The following CPEB2 variants were observed in gnomAD, a reference collection of about 807,000 sequenced individuals.
The protein encoded by CPEB2 is cytoplasmic polyadenylation element binding protein 2.
In CPEB2, 56 loss-of-function variants were observed where a neutral mutation model predicts 93.6. The observed-to-expected ratio is 0.60, with a 90% CI of 0.48 to 0.75. CPEB2 has a LOEUF of 0.75. Ranked by LOEUF, CPEB2 falls within the 30% of genes least tolerant of loss-of-function variation. CPEB2 has a pLI of 0.00. For synonymous variants in CPEB2, 764 were observed against 586.3 expected, an observed-to-expected ratio of 1.30 and a Z score of -4.38; for missense variants, 1,579 against 1,395.1, an observed-to-expected ratio of 1.13 and a Z score of -2.10.
In CPEB2 at chr4:15,003,825, G is replaced by C. The variant is rs1260472230; in HGVS notation, c.1152G>C (p.Ser384=). 1 of 935,124 alleles carries C rather than the reference G, an allele frequency of 1.1e-6. No individual in the cohort carries two copies. The highest frequency in any genetic ancestry group is 1.4e-6 in the Non-Finnish European group (1 of 724,454). The allele number at this position is 935,124 out of a possible 1,614,324, so 57.9% of individuals were successfully genotyped here. A position where few individuals can be genotyped will look rare whatever the true frequency, so the allele number is the denominator to read the frequency against. Residue 384 remains serine, a synonymous_variant, in exon 1 of 12, where the codon TCG becomes TCC. Transcript: ENST00000538197. ...TGCCCGGCTTCGGCACCCCCTGGTC[G>C]GTGCAGACCGCGTCGCCGCCACCCC... is the stretch of plus-strand genomic sequence containing the variant. ...PPLPGFGTPW[S]VQTASPPPQP...
At chr4:15,007,107 A>G (rs1056941073) in intron 1 of CPEB2, among the ~76,000 whole-genome samples, 198 bp from the exon 2 acceptor site, 51 of 152,244 alleles carry the variant, frequency 3.3e-4, no homozygotes, top group Non-Finnish European at 5.0e-4. Context: ...AGTATACAAG[A>G]AGATGAAAAC....
At chr4:15,007,678 A>G (rs1723007538) in intron 2 of CPEB2, 92 bp downstream of exon 2, 3 of 741,142 alleles carry the variant, frequency 4.0e-6, no homozygotes, top group Non-Finnish European at 5.8e-6. Context: ...TAAAATTAAC[A>G]TTTTTTGAAA....
chr4:15,031,625 T>C (rs868173688), intron 4 of CPEB2, among the ~76,000 whole-genome samples: 13 of 152,310 alleles, frequency 8.5e-5, no homozygotes, highest in Middle Eastern at 3.4e-3. Flanking sequence ...TAAGAGATGG[T>C]AGATAATCCT....
At position 15,004,186 on chromosome 4, in the gene CPEB2, A is replaced by C. The variant is rs756266014; in HGVS notation, c.1513A>C (p.Met505Leu). 80 of 1,225,076 alleles carry C rather than the reference A, an allele frequency of 6.5e-5. No individual in the cohort carries two copies. The highest frequency in any genetic ancestry group is 1.3e-5 in the Non-Finnish European group (13 of 963,246). 75.9% of individuals were successfully genotyped at this position (1,225,076 alleles called of 1,614,324 possible). A position where few individuals can be genotyped will look rare whatever the true frequency, so the allele number is the denominator to read the frequency against. The change falls in exon 1 of 12, where the codon ATG becomes CTG. Residue 505 changes from methionine (M) to leucine (L), a missense_variant. This residue lies in a region of CPEB2 where 1,411 missense variants were observed against 1,056.0 expected (regional missense o/e 1.34). Transcript: ENST00000538197. The part of the protein sequence containing the change: ...TAVPPPPPPA[M>L]NIPQQQPPPP... ...TGTGCCCCCTCCGCCGCCGCCCGCC[A>C]TGAATATACCTCAACAGCAGCCCCC... is the stretch of plus-strand genomic sequence containing the variant.
intron 3 of CPEB2, among the ~76,000 whole-genome samples, chr4:15,011,842 A>C (rs1723526822): frequency 6.6e-6 from 1 of 152,090 alleles, no homozygotes; most frequent in African/African-American, 2.4e-5. Flanking sequence ...CCTGCCTTCC[A>C]CCTGGGGAAT....
At chr4:15,064,156 C>T (rs936717781) in intron 11 of CPEB2, among the ~76,000 whole-genome samples, 5 of 152,022 alleles carry the variant, frequency 3.3e-5, no homozygotes, top group Admixed American at 6.6e-5. Flanking sequence ...TATCTGATAG[C>T]TGGAAAGCAG....
intron 9 of CPEB2, 60 bp from the exon 10 acceptor site, chr4:15,059,127 C>A: frequency 9.9e-7 from 1 of 1,013,734 alleles, no homozygotes; most frequent in African/African-American, 1.6e-5. Flanking sequence ...CAAAAACAAA[C>A]AAACAGAAAA....
At chr4:15,030,617 G>A (rs1349181009) in intron 4 of CPEB2, among the ~76,000 whole-genome samples, 1 of 152,034 alleles carries the variant, frequency 6.6e-6, no homozygotes, top group Non-Finnish European at 1.5e-5. Context: ...AACCTATGAA[G>A]ATGCATTAAT....
At position 15,050,821 on chromosome 4, in the gene CPEB2, G is replaced by A. The variant is rs369346486; in HGVS notation, c.2201-1593G>A. ...CAAGGAACTGTCCTCATCATTTCTCGCTGGAGTGTTTATCATTGATGTTAT... is the reference window on the plus strand; with the variant it reads ...CAAGGAACTGTCCTCATCATTTCTCACTGGAGTGTTTATCATTGATGTTAT... On this transcript the variant is annotated intron_variant, in intron 6 of 11. Coordinates refer to ENST00000538197, the MANE Select transcript of CPEB2 (RefSeq NM_001177382.2). Among the ~76,000 whole-genome samples the A allele has an allele frequency of 7.5e-4, 114 of 151,976 alleles. 1 individual carries two copies. The South Asian group carries it at 0.012, about 16-fold the overall frequency.
chr4:15,040,526 A>C (rs1392338661), intron 6 of CPEB2, 39 bp downstream of exon 6: 2 of 1,518,574 alleles, frequency 1.3e-6, no homozygotes, highest in East Asian at 4.9e-5. Flanking sequence ...ATTGTTTCTA[A>C]TGGGGTTTAC....
intron 8 of CPEB2, among the ~76,000 whole-genome samples, chr4:15,056,098 C>G (rs760697362): frequency 6.6e-6 from 1 of 152,106 alleles, no homozygotes; most frequent in Non-Finnish European, 1.5e-5. Flanking sequence ...AAAATAGTGT[C>G]TTTATTCACC....
chr4:15,062,281 T>G, intron 11 of CPEB2, 21 bp downstream of exon 11: 1 of 1,585,894 alleles, frequency 6.3e-7, no homozygotes, highest in Non-Finnish European at 8.6e-7. Context: ...TATTGGGAAA[T>G]CACTTATGTC....
In CPEB2 at chr4:15,003,143, G is replaced by C; in HGVS notation, c.470G>C (p.Cys157Ser). ...TCCTCCTCCGCCTCCTCCTGCTGCTGCTGCCGCACCTCCTCCCCGCAGGAC... is the reference window on the plus strand; with the variant it reads ...TCCTCCTCCGCCTCCTCCTGCTGCTCCTGCCGCACCTCCTCCCCGCAGGAC... ...PSSSSASSCCCCRTSSPQDFS... is the reference protein window; with the variant it reads ...PSSSSASSCCSCRTSSPQDFS... The change falls in exon 1 of 12, where the codon TGC (cysteine) becomes TCC (serine). Residue 157 changes from cysteine to serine, a missense_variant. Coordinates refer to ENST00000538197, the MANE Select transcript of CPEB2 (RefSeq NM_001177382.2). 1 of 1,533,418 alleles carries C rather than the reference G, an allele frequency of 6.5e-7. No homozygotes were observed. The highest frequency in any genetic ancestry group is 8.7e-7 in the Non-Finnish European group (1 of 1,145,978). The allele number at this position is 1,533,418 out of a possible 1,614,324, so 95.0% of individuals were successfully genotyped here. A position where few individuals can be genotyped will look rare whatever the true frequency, so the allele number is the denominator to read the frequency against.
intron 5 of CPEB2, among the ~76,000 whole-genome samples, chr4:15,034,399 G>T (rs955426741): frequency 6.6e-6 from 1 of 152,188 alleles, no homozygotes; most frequent in Non-Finnish European, 1.5e-5. Context: ...GTTGGGAAAA[G>T]CCCTTATAAA....
At chr4:15,024,098 A>G (rs1725147313) in intron 4 of CPEB2, among the ~76,000 whole-genome samples, 1 of 152,074 alleles carries the variant, frequency 6.6e-6, no homozygotes, top group African/African-American at 2.4e-5. Flanking sequence ...GTATTTATCC[A>G]TAGACTGTAA....
At chr4:15,040,261 A>ATGAT (rs1226500197) in intron 5 of CPEB2, among the ~76,000 whole-genome samples, 1 of 152,198 alleles carries the variant, frequency 6.6e-6, no homozygotes, top group Non-Finnish European at 1.5e-5. Flanking sequence ...TATGATTCAG[A>ATGAT]TGATATATAT....
intron 4 of CPEB2, among the ~76,000 whole-genome samples, chr4:15,021,672 T>C (rs996988493): frequency 2.0e-5 from 3 of 152,160 alleles, no homozygotes; most frequent in Non-Finnish European, 4.4e-5. Flanking sequence ...CAGTAAGTCG[T>C]AATGCCTTTA....
intron 3 of CPEB2, among the ~76,000 whole-genome samples, chr4:15,010,025 T>C (rs942008619): frequency 6.6e-6 from 1 of 152,182 alleles, no homozygotes; most frequent in Non-Finnish European, 1.5e-5. Flanking sequence ...TGCTGAGATA[T>C]TGGCATTCCC....
chr4:15,037,070 A>G (rs981030092), intron 5 of CPEB2, among the ~76,000 whole-genome samples: 1 of 152,154 alleles, frequency 6.6e-6, no homozygotes, highest in African/African-American at 2.4e-5. Context: ...TGGGAGGCCG[A>G]GGCAGGCAGA....
Sources: gnomAD v4.1 joint callset for allele counts (sites outside exome capture counted in the v4.1 genomes callset) on GRCh38, gnomAD v4.1.1 for gene constraint, gnomAD v4.1.1 regional missense constraint, MANE v1.5 for transcripts, NCBI Gene and HGNC (gene_info 2026-07-23, HGNC 2026-07-21) for gene names.